The following NEMP2 variants were observed in gnomAD, a reference collection of about 807,000 sequenced individuals.
NEMP2 encodes the protein UPF0571 transmembrane protein.
In NEMP2, 53 loss-of-function variants were observed where a neutral mutation model predicts 54.2. The observed-to-expected ratio is 0.98, with a 90% CI of 0.78 to 1.23. NEMP2 has a LOEUF of 1.23. Among genes scored for constraint, NEMP2 ranks in the 50% most tolerant of loss-of-function variants. The pLI is 0.00. For synonymous variants in NEMP2, 197 were observed against 190.3 expected (o/e 1.04, Z -0.29); for missense variants, 455 against 511.3 (o/e 0.89, Z 1.06).
In NEMP2 at chr2:190,510,607, G is replaced by A. The variant is rs1690326732; in HGVS notation, c.954-70C>T. On this transcript the variant is annotated intron_variant, in intron 7 of 8. Transcript: ENST00000409150. The surrounding 1 kb of genome is among the most constrained non-coding windows in gnomAD (Gnocchi z 5.7). ...CTTAAGATTTACAAAAATAGGCCAG[G>A]CTCGGTGGCTCACGCCTGTAATCCA... The A allele has an allele frequency of 2.7e-6, 4 of 1,500,820 alleles. No homozygotes were observed. The highest frequency in any genetic ancestry group is 3.6e-6 in the Non-Finnish European group (4 of 1,105,638). The allele number at this position is 1,500,820 out of a possible 1,614,324, so 93.0% of individuals were successfully genotyped here.
the NEMP2 span, among the ~76,000 whole-genome samples, chr2:190,439,941 G>A: frequency 6.6e-6 from 1 of 152,320 alleles, no homozygotes; most frequent in South Asian, 2.1e-4. This position sits in a 1 kb window ranked among gnomAD's most constrained non-coding sequence, Gnocchi z 5.8. Context: ...GGTATTGGTT[G>A]TGATTTGGGG....
the NEMP2 span, among the ~76,000 whole-genome samples, chr2:190,575,683 C>T: frequency 2.6e-5 from 4 of 152,098 alleles, no homozygotes; most frequent in South Asian, 4.1e-4. Context: ...GGCGAAGCCT[C>T]GTCTCTACTA....
the NEMP2 span, among the ~76,000 whole-genome samples, chr2:190,497,154 A>G: frequency 6.6e-6 from 1 of 152,202 alleles, no homozygotes; most frequent in Admixed American, 6.5e-5. The surrounding 1 kb of genome is among the most constrained non-coding windows in gnomAD (Gnocchi z 5.2). Flanking sequence ...AACACTCATT[A>G]TAACCTATGC....
the NEMP2 span, chr2:190,626,357 T>A: frequency 6.6e-6 from 1 of 152,016 alleles, no homozygotes. The surrounding 1 kb of genome is among the most constrained non-coding windows in gnomAD (Gnocchi z 4.5). Context: ...AATAATTAAT[T>A]TAAAAGTTAA....
Position 190,522,220 on chromosome 2 carries a change from T to C in NEMP2, c.214-3037A>G, listed in dbSNP as rs1189106034. On this transcript the variant is annotated intron_variant, in intron 2 of 8. Coordinates refer to ENST00000409150, the MANE Select transcript of NEMP2 (RefSeq NM_001142645.2). This position sits in a 1 kb window ranked among gnomAD's most constrained non-coding sequence, Gnocchi z 5.0. Reference sequence around the variant, plus strand: ...TGGAAACAACAGACAACTGGGGACTTCAGAAGGTGGTTGGGAGAGGGGCAA... The same window carrying C: ...TGGAAACAACAGACAACTGGGGACTCCAGAAGGTGGTTGGGAGAGGGGCAA... Among the ~76,000 whole-genome samples, 2 of 152,110 alleles carry C rather than the reference T, an allele frequency of 1.3e-5. No homozygotes were observed. The highest frequency in any genetic ancestry group is 1.3e-4 in the Admixed American group (2 of 15,276).
At chr2:190,452,074 TTTTG>T in the NEMP2 span, among the ~76,000 whole-genome samples, 1 of 152,208 alleles carries the variant, frequency 6.6e-6, no homozygotes, top group Non-Finnish European at 1.5e-5. Flanking sequence ...GATGAAAGTT[TTTTG>T]TTTTTTTTTT....
At chr2:190,603,435 A>T in the NEMP2 span, among the ~76,000 whole-genome samples, 1 of 151,416 alleles carries the variant, frequency 6.6e-6, no homozygotes, top group East Asian at 1.9e-4. Context: ...TAATAAATAT[A>T]TTTGTTTCCG....
At chr2:190,564,118 C>G in the NEMP2 span, among the ~76,000 whole-genome samples, 1 of 152,252 alleles carries the variant, frequency 6.6e-6, no homozygotes, top group Non-Finnish European at 1.5e-5. The surrounding 1 kb of genome is among the most constrained non-coding windows in gnomAD (Gnocchi z 4.2). Context: ...GAGCTCAGAT[C>G]ATATGCCACA....
At position 190,519,189 on chromosome 2, in the gene NEMP2, AAACAAG is replaced by A. The variant is rs758254469; in HGVS notation, c.214-12_214-7del. ...CCTGGACTGGTAATTTTCACCTGTAAAACAAGAACAAGCAAATCCATAAACAGAATA... is the reference window on the plus strand; with the variant it reads ...CCTGGACTGGTAATTTTCACCTGTAAAACAAGCAAATCCATAAACAGAATA... On this transcript the variant is annotated splice_polypyrimidine_tract_variant and splice_region_variant and intron_variant, in intron 2 of 8. Transcript: ENST00000409150. This position sits in a 1 kb window ranked among gnomAD's most constrained non-coding sequence, Gnocchi z 5.4. 7.2e-6 allele frequency: 11 copies of A among 1,518,360 alleles called. No homozygotes were observed. The allele number at this position is 1,518,360 out of a possible 1,614,324, so 94.1% of individuals were successfully genotyped here. A position where few individuals can be genotyped will look rare whatever the true frequency, so the allele number is the denominator to read the frequency against.
At chr2:190,635,790 C>T in the NEMP2 span, among the ~76,000 whole-genome samples, 14 of 152,180 alleles carry the variant, frequency 9.2e-5, no homozygotes, top group Non-Finnish European at 2.1e-4. This position sits in a 1 kb window ranked among gnomAD's most constrained non-coding sequence, Gnocchi z 4.1. Flanking sequence ...GTATGCACAC[C>T]TTTAACTTAA....
Position 190,506,643 on chromosome 2 carries a change from G to C in NEMP2, c.*2546C>G, listed in dbSNP as rs987008502. On this transcript the variant is annotated 3_prime_UTR_variant, in exon 9 of 9. Coordinates refer to ENST00000409150, the MANE Select transcript of NEMP2 (RefSeq NM_001142645.2). This position sits in a 1 kb window ranked among gnomAD's most constrained non-coding sequence, Gnocchi z 6.3. Reference sequence around the variant, plus strand: ...GCAAACCATACAACTAATTCACAAAGCATTTTTTGTGATATGTAAAATGTG... The same window carrying C: ...GCAAACCATACAACTAATTCACAAACCATTTTTTGTGATATGTAAAATGTG... The C allele has an allele frequency of 1.3e-5, 2 of 152,102 alleles. No individual in the cohort carries two copies. The highest frequency in any genetic ancestry group is 4.8e-5 in the African/African-American group (2 of 41,392). 9.4% of individuals were successfully genotyped at this position (152,102 alleles called of 1,614,324 possible). A position where few individuals can be genotyped will look rare whatever the true frequency, so the allele number is the denominator to read the frequency against.
the NEMP2 span, among the ~76,000 whole-genome samples, chr2:190,571,499 C>T: frequency 5.3e-5 from 8 of 151,872 alleles, no homozygotes; most frequent in Non-Finnish European, 7.4e-5. Flanking sequence ...GCCAAGATCC[C>T]GCCACTGCAC....
At chr2:190,588,505 C>T in the NEMP2 span, among the ~76,000 whole-genome samples, 1 of 152,096 alleles carries the variant, frequency 6.6e-6, no homozygotes, top group Admixed American at 6.6e-5. The surrounding 1 kb of genome is among the most constrained non-coding windows in gnomAD (Gnocchi z 5.0). Context: ...TTTTATGACT[C>T]TGTTGAATAC....
the NEMP2 span, among the ~76,000 whole-genome samples, chr2:190,606,913 A>C: frequency 6.6e-6 from 1 of 152,160 alleles, no homozygotes; most frequent in African/African-American, 2.4e-5. Context: ...AATCTTATTC[A>C]AATAAGACCT....
the NEMP2 span, among the ~76,000 whole-genome samples, chr2:190,471,738 G>C: frequency 6.6e-6 from 1 of 152,178 alleles, no homozygotes; most frequent in Non-Finnish European, 1.5e-5. The surrounding 1 kb of genome is among the most constrained non-coding windows in gnomAD (Gnocchi z 4.7). Context: ...CAGCTTTGAA[G>C]ACAGTAGTTC....
the NEMP2 span, among the ~76,000 whole-genome samples, chr2:190,498,512 C>T: frequency 1.3e-5 from 2 of 152,150 alleles, no homozygotes; most frequent in Non-Finnish European, 2.9e-5. The surrounding 1 kb of genome is among the most constrained non-coding windows in gnomAD (Gnocchi z 5.9). Flanking sequence ...ATTAATCTCA[C>T]TTTGTAAGCT....
the NEMP2 span, among the ~76,000 whole-genome samples, chr2:190,613,979 T>A: frequency 6.6e-6 from 1 of 151,154 alleles, no homozygotes; most frequent in African/African-American, 2.4e-5. Context: ...GACTAGTCTT[T>A]CCTTTTTCTG....
the NEMP2 span, among the ~76,000 whole-genome samples, chr2:190,421,735 ATT>A: frequency 1.3e-5 from 2 of 151,176 alleles, no homozygotes; most frequent in South Asian, 4.2e-4. Context: ...TAAAAAAAAA[ATT>A]TTTTTTAAAG....
At chr2:190,468,766 A>T in the NEMP2 span, among the ~76,000 whole-genome samples, 1 of 151,928 alleles carries the variant, frequency 6.6e-6, no homozygotes, top group African/African-American at 2.4e-5. Flanking sequence ...GTCAGGAATG[A>T]TTTTAACATA....
Sources: gnomAD v4.1 joint callset for allele counts (sites outside exome capture counted in the v4.1 genomes callset) on GRCh38, gnomAD v4.1.1 for gene constraint, Gnocchi (gnomAD v3.1) non-coding constraint, MANE v1.5 for transcripts, NCBI Gene and HGNC (gene_info 2026-07-23, HGNC 2026-07-21) for gene names.